Variants in IGF2R observed in about 807,000 individuals in gnomAD.
The protein encoded by IGF2R is insulin like growth factor 2 receptor, also known as cation-independent mannose-6-phosphate receptor.
In IGF2R, 91 loss-of-function variants were observed where a neutral mutation model predicts 270.6. That is an observed-to-expected ratio of 0.34 (90% CI 0.28 to 0.40). The LOEUF is 0.40. Among genes scored for constraint, IGF2R ranks in the 10% least tolerant of loss-of-function variants. IGF2R has a pLI of 1.00. For synonymous variants in IGF2R, 1,316 were observed against 1,258.9 expected (o/e 1.05, Z -0.96); for missense variants, 2,805 against 3,188.3 (o/e 0.88, Z 2.90).
intron 44 of IGF2R, among the ~76,000 whole-genome samples, chr6:160,092,646 C>T (rs1430830944): frequency 1.3e-5 from 2 of 152,202 alleles, no homozygotes; most frequent in Admixed American, 6.5e-5. Context: ...CTCATCAGGA[C>T]GTGGAGCTGC....
chr6:160,039,400 G>A (rs1050903025), intron 10 of IGF2R, among the ~76,000 whole-genome samples: 2 of 152,166 alleles, frequency 1.3e-5, no homozygotes, highest in African/African-American at 4.8e-5. Flanking sequence ...TATGCAGCAC[G>A]TAACTGTATA....
chr6:160,012,761 ATATTTTTTT>A lies in IGF2R; in HGVS notation c.513+1978_513+1986del, dbSNP rs1374900662. Among the ~76,000 whole-genome samples, 70 of 72,598 alleles carry A rather than the reference ATATTTTTTT, an allele frequency of 9.6e-4. 2 individuals are homozygous for A. Among genetic ancestry groups the A allele is most frequent in the African/African-American group, 3.4e-3 (69 of 20,470 alleles). The allele number at this position is 72,598 out of a possible 152,430, so 47.6% of individuals were successfully genotyped here. A position where few individuals can be genotyped will look rare whatever the true frequency, so the allele number is the denominator to read the frequency against. ...CCGGCTAATTTATATATATATATAT[ATATTTTTTT>A]TTTTTTTTGTTTGTTTGTTTGTTTA... On this transcript the variant is annotated intron_variant, in intron 4 of 47. Coordinates refer to ENST00000356956, the MANE Select transcript of IGF2R (RefSeq NM_000876.4).
chr6:160,000,172 C>A (rs911317534), intron 2 of IGF2R, among the ~76,000 whole-genome samples: 11 of 152,174 alleles, frequency 7.2e-5, no homozygotes, highest in Non-Finnish European at 1.2e-4. Flanking sequence ...AGTCCTTTCT[C>A]ACATTGCTGT....
At chr6:159,992,116 G>GA (rs546476069) in intron 2 of IGF2R, among the ~76,000 whole-genome samples, 2 of 152,210 alleles carry the variant, frequency 1.3e-5, no homozygotes, top group South Asian at 4.1e-4. Flanking sequence ...GTGACATAGA[G>GA]ATGGTATATG....
At chr6:160,073,554 A>G (rs1778791578) in intron 34 of IGF2R, 85 bp downstream of exon 34, 3 of 1,482,342 alleles carry the variant, frequency 2.0e-6, no homozygotes, top group Middle Eastern at 1.9e-4. Context: ...CTTGCCCACT[A>G]GTAGATGCCC....
chr6:160,037,286 T>G (rs771677737), intron 10 of IGF2R, among the ~76,000 whole-genome samples: 3 of 152,226 alleles, frequency 2.0e-5, no homozygotes, highest in Non-Finnish European at 4.4e-5. Flanking sequence ...GAGCTGGCTC[T>G]CAGGCAGGAG....
intron 45 of IGF2R, among the ~76,000 whole-genome samples, chr6:160,097,293 T>A (rs528417885): frequency 6.6e-6 from 1 of 152,324 alleles, no homozygotes; most frequent in South Asian, 2.1e-4. Context: ...TATTTTCTTC[T>A]TATGTTACCC....
intron 11 of IGF2R, among the ~76,000 whole-genome samples, chr6:160,042,189 TGAA>T (rs1280982382): frequency 6.6e-6 from 1 of 152,206 alleles, no homozygotes; most frequent in Admixed American, 6.5e-5. Flanking sequence ...CCTTACTGCT[TGAA>T]GAAGTCCCTT....
At chr6:160,014,900 C>T (rs555888736) in intron 4 of IGF2R, among the ~76,000 whole-genome samples, 1 of 152,326 alleles carries the variant, frequency 6.6e-6, no homozygotes, top group South Asian at 2.1e-4. Context: ...CCTCTGAGCA[C>T]TAGAGGTTCT....
rs779956526 is a variant in IGF2R at position 160,088,013 on chromosome 6, C to T, written c.6206-20C>T. Reference sequence around the variant, plus strand: ...TAATGCACTAGAAATAATGTCAGTTCAATCATTTGTGTGTTTCAGGTGACA... The same window carrying T: ...TAATGCACTAGAAATAATGTCAGTTTAATCATTTGTGTGTTTCAGGTGACA... On this transcript the variant is annotated intron_variant, in intron 41 of 47. Coordinates refer to ENST00000356956, the MANE Select transcript of IGF2R (RefSeq NM_000876.4). 6.8e-7 allele frequency: 1 copy of T among 1,464,016 alleles called. No individual in the cohort carries two copies. The highest frequency in any genetic ancestry group is 1.7e-5 in the Admixed American group (1 of 59,832). 90.7% of individuals were successfully genotyped at this position (1,464,016 alleles called of 1,614,324 possible).
At chr6:159,990,839 A>G (rs952767708) in intron 1 of IGF2R, among the ~76,000 whole-genome samples, 3 of 152,160 alleles carry the variant, frequency 2.0e-5, no homozygotes, top group Non-Finnish European at 2.9e-5. Context: ...TATGTTGGCC[A>G]GGCTGGTCTT....
In IGF2R at chr6:160,058,112, G is replaced by A; in HGVS notation, c.2886G>A (p.Gly962=). Residue 962 remains glycine, a synonymous_variant, in exon 21 of 48, where the codon GGG becomes GGA. Transcript: ENST00000356956. ...SSQGYNVSGI[G]KIFMFNVCGT... is the part of the protein sequence containing the mutation. Reference sequence around the variant, plus strand: ...AAGGATATAACGTCTCTGGCATTGGGAAGATTTTTATGGTAAGAGCGATAT... The same window carrying A: ...AAGGATATAACGTCTCTGGCATTGGAAAGATTTTTATGGTAAGAGCGATAT... The A allele has an allele frequency of 6.2e-7, 1 of 1,608,714 alleles. No individual in the cohort carries two copies. The highest frequency in any genetic ancestry group is 2.2e-5 in the East Asian group (1 of 44,858).
At chr6:160,060,406 G>T (rs1778409791) in intron 22 of IGF2R, 141 bp from the exon 23 acceptor site, 2 of 745,342 alleles carry the variant, frequency 2.7e-6, no homozygotes, top group African/African-American at 1.7e-5. Flanking sequence ...ATACACACTT[G>T]GTGCCCTGGT....
intron 1 of IGF2R, among the ~76,000 whole-genome samples, chr6:159,980,077 AGGCTGT>A (rs1363595102): frequency 6.6e-6 from 1 of 151,974 alleles, no homozygotes; most frequent in Non-Finnish European, 1.5e-5. Context: ...GCTACTCGGG[AGGCTGT>A]GGCAGGAGAA....
intron 4 of IGF2R, among the ~76,000 whole-genome samples, chr6:160,020,210 TAA>T (rs796479684): frequency 7.4e-6 from 1 of 135,628 alleles, no homozygotes; most frequent in Non-Finnish European, 1.6e-5. Context: ...TTATAATCAC[TAA>T]AAAAAAAAAA....
chr6:160,094,957 C>G (rs1244091870), intron 44 of IGF2R: 1 of 149,404 alleles, frequency 6.7e-6, no homozygotes, highest in African/African-American at 2.5e-5. Flanking sequence ...TTTTTGGTAA[C>G]CAACACTTCT....
intron 44 of IGF2R, among the ~76,000 whole-genome samples, chr6:160,091,519 C>T (rs1195519428): frequency 6.6e-6 from 1 of 152,218 alleles, no homozygotes; most frequent in Non-Finnish European, 1.5e-5. Context: ...CTGCTCATAG[C>T]ACCTGTGGCC....
Position 159,989,105 on chromosome 6 carries a change from C to G in IGF2R, c.150-2079C>G, listed in dbSNP as rs188261840. Among the ~76,000 whole-genome samples, 13 of 152,290 alleles carry G rather than the reference C, an allele frequency of 8.5e-5. No homozygotes were observed. The East Asian group carries it at 2.5e-3, about 29-fold the overall frequency. On this transcript the variant is annotated intron_variant, in intron 1 of 47. Transcript: ENST00000356956. ...TTGGGCACCTGAGTACCCCAGCCTG[C>G]TCTTCAGGTCTGTAGCTGCTTAGTG...
intron 1 of IGF2R, among the ~76,000 whole-genome samples, chr6:159,987,542 C>T (rs1286515871): frequency 6.6e-6 from 1 of 152,122 alleles, no homozygotes; most frequent in African/African-American, 2.4e-5. Context: ...TAGGCGTGCA[C>T]CACCACGCCC....
Sources: gnomAD v4.1 joint callset for allele counts (sites outside exome capture counted in the v4.1 genomes callset) on GRCh38, gnomAD v4.1.1 for gene constraint, MANE v1.5 for transcripts, NCBI Gene and HGNC (gene_info 2026-07-23, HGNC 2026-07-21) for gene names.